Variants in SLC44A5 observed in about 807,000 individuals in gnomAD.
SLC44A5 encodes the protein solute carrier family 44 member 5.
In SLC44A5, 57 loss-of-function variants were observed where a neutral mutation model predicts 101.8. That is an observed-to-expected ratio of 0.56 (90% CI 0.45 to 0.70). The LOEUF is 0.70. Ranked by LOEUF, SLC44A5 falls within the 30% of genes least tolerant of loss-of-function variation. The probability of loss-of-function intolerance (pLI) is 0.00; values close to 1 mark genes in which losing one functional copy is unlikely to be tolerated. For synonymous variants in SLC44A5, 281 were observed against 290.9 expected (o/e 0.97, Z 0.35); for missense variants, 737 against 853.1 (o/e 0.86, Z 1.70).
At chr1:75,680,643 C>T in the SLC44A5 span, among the ~76,000 whole-genome samples, 2,324 of 150,754 alleles carry the variant, frequency 0.015, 57 homozygotes, top group African/African-American at 0.052. Flanking sequence ...GCACTAAATG[C>T]CCACAAGAGA....
chr1:75,300,746 C>G (rs1055268277), intron 4 of SLC44A5, 61 bp from the exon 5 acceptor site: 2 of 1,099,152 alleles, frequency 1.8e-6, no homozygotes, highest in Non-Finnish European at 2.6e-6. Context: ...CTGTTTCCTG[C>G]ACAAAATGAA....
rs1570085361 is a variant in SLC44A5 at position 75,385,329 on chromosome 1, A to C, written c.52+11254T>G. Among the ~76,000 whole-genome samples, 7 of 149,506 alleles carry C rather than the reference A, an allele frequency of 4.7e-5. No individual in the cohort carries two copies. In the East Asian group the frequency reaches 1.4e-3, roughly 30 times the overall value. ...CCGCTAGCAAGACTAATAAAGAAAA[A>C]AAGAGAGAAGAATCAAATAGACACA... On this transcript the variant is annotated intron_variant, in intron 3 of 23. Transcript: ENST00000370859.
At chr1:75,231,298 CAT>C (rs1446956166) in intron 12 of SLC44A5, among the ~76,000 whole-genome samples, 2 of 152,124 alleles carry the variant, frequency 1.3e-5, no homozygotes, top group Admixed American at 6.6e-5. Context: ...GATTTTAGCT[CAT>C]GAGTTATTTT....
intron 6 of SLC44A5, among the ~76,000 whole-genome samples, chr1:75,267,467 AT>A (rs1651093940): frequency 6.6e-6 from 1 of 152,174 alleles, no homozygotes. Flanking sequence ...GAAACTTGCA[AT>A]GCACATAAAC....
At chr1:75,614,247 C>A (rs983049352), upstream of SLC44A5, among the ~76,000 whole-genome samples, 16 of 151,878 alleles carry the variant, frequency 1.1e-4, no homozygotes, top group Non-Finnish European at 8.8e-5. Flanking sequence ...TGAATATATT[C>A]TCTCTTCTTT....
chr1:75,615,798 G>A (rs1675853932), upstream of SLC44A5: 2 of 933,146 alleles, frequency 2.1e-6, no homozygotes, highest in African/African-American at 1.8e-5. Flanking sequence ...GGCCCGAGGG[G>A]CAGAGGGCGG....
At chr1:75,424,724 G>T (rs1416621484) in intron 2 of SLC44A5, among the ~76,000 whole-genome samples, 1 of 152,128 alleles carries the variant, frequency 6.6e-6, no homozygotes, top group Non-Finnish European at 1.5e-5. Context: ...GAAGATGAAA[G>T]ATGAAATATC....
At chr1:75,572,275 A>G (rs1421843773) in intron 1 of SLC44A5, among the ~76,000 whole-genome samples, 1 of 152,226 alleles carries the variant, frequency 6.6e-6, no homozygotes, top group African/African-American at 2.4e-5. Flanking sequence ...GACCCAGTGG[A>G]TATAGCATTC....
At chr1:75,568,354 A>C (rs1440647561) in intron 1 of SLC44A5, among the ~76,000 whole-genome samples, 1 of 152,240 alleles carries the variant, frequency 6.6e-6, no homozygotes, top group East Asian at 1.9e-4. Context: ...CAACAGATTT[A>C]TACAATTCTT....
At chr1:75,641,210 T>C in the SLC44A5 span, 6 of 291,122 alleles carry the variant, frequency 2.1e-5, no homozygotes, top group Non-Finnish European at 3.2e-5. Flanking sequence ...TTTTAAATAT[T>C]TTATTATATT....
chr1:75,281,636 G>GCCCCCCCCC (rs71081324), intron 5 of SLC44A5, among the ~76,000 whole-genome samples: 2 of 49,480 alleles, frequency 4.0e-5, no homozygotes, highest in Non-Finnish European at 8.8e-5. Flanking sequence ...CTGGTGCCAG[G>GCCCCCCCCC]CCCCCCCCCC....
chr1:75,630,727 T>C, the SLC44A5 span, among the ~76,000 whole-genome samples: 1 of 152,106 alleles, frequency 6.6e-6, no homozygotes, highest in South Asian at 2.1e-4. Flanking sequence ...TAAACCGTCA[T>C]TGATAAAAAT....
At chr1:75,425,436 C>A (rs1386136801) in intron 2 of SLC44A5, among the ~76,000 whole-genome samples, 2 of 152,140 alleles carry the variant, frequency 1.3e-5, no homozygotes, top group Non-Finnish European at 2.9e-5. Context: ...CTGTGAAGTC[C>A]CGAAGTCTGT....
chr1:75,438,188 G>A lies in SLC44A5; in HGVS notation c.14-41567C>T, dbSNP rs151169095. On this transcript the variant is annotated intron_variant, in intron 2 of 23. Coordinates refer to ENST00000370859, the MANE Select transcript of SLC44A5 (RefSeq NM_001130058.2). The stretch of plus-strand genomic sequence containing the variant: ...GGGAGAAATCATGCTAAGATATTAA[G>A]AGAAATGAAGGCTAGTCATTGGATT... Among the ~76,000 whole-genome samples the A allele has an allele frequency of 4.7e-4, 72 of 152,240 alleles. 1 individual carries two copies. In the East Asian group the frequency reaches 0.014, roughly 29 times the overall value.
At chr1:75,324,931 T>G (rs991590273) in intron 4 of SLC44A5, among the ~76,000 whole-genome samples, 1 of 152,154 alleles carries the variant, frequency 6.6e-6, no homozygotes, top group Admixed American at 6.5e-5. Flanking sequence ...GTTAAAGTGC[T>G]CTCACTATTT....
intron 1 of SLC44A5, among the ~76,000 whole-genome samples, chr1:75,546,102 C>A (rs1221210685): frequency 6.6e-6 from 1 of 152,066 alleles, no homozygotes; most frequent in Non-Finnish European, 1.5e-5. Flanking sequence ...GGTTACAACT[C>A]CTAGCCAAGG....
intron 2 of SLC44A5, among the ~76,000 whole-genome samples, chr1:75,420,158 C>G (rs1206046190): frequency 6.6e-6 from 1 of 152,040 alleles, no homozygotes; most frequent in Non-Finnish European, 1.5e-5. Context: ...GAAACAGGCC[C>G]TCACCAGACA....
At chr1:75,686,025 A>C in the SLC44A5 span, among the ~76,000 whole-genome samples, 1 of 152,140 alleles carries the variant, frequency 6.6e-6, no homozygotes, top group Non-Finnish European at 1.5e-5. Context: ...AGGGGGAAGA[A>C]AGCCCCTTTA....
the SLC44A5 span, among the ~76,000 whole-genome samples, chr1:75,657,563 AG>A: frequency 1.3e-5 from 2 of 151,476 alleles, no homozygotes; most frequent in Non-Finnish European, 2.9e-5. Flanking sequence ...AAAAAAAAAA[AG>A]TGATGGGTTT....
Sources: allele counts gnomAD v4.1 joint callset (sites outside exome capture counted in the v4.1 genomes callset), GRCh38; gene constraint gnomAD v4.1.1; transcripts MANE v1.5; gene names NCBI Gene and HGNC (gene_info 2026-07-23, HGNC 2026-07-21).